Variants in HAT1 observed in about 807,000 individuals in gnomAD.
HAT1 encodes histone acetyltransferase 1.
A neutral mutation model predicts 56.6 loss-of-function variants in HAT1; 20 were observed. The observed-to-expected ratio is 0.35, with a 90% CI of 0.25 to 0.51. The LOEUF is 0.51. Ranked by LOEUF, HAT1 falls within the 20% of genes least tolerant of loss-of-function variation. The pLI, the probability that HAT1 is intolerant of heterozygous loss-of-function variation, is 0.95. For missense variants in HAT1, 408 were observed against 504.3 expected, an observed-to-expected ratio of 0.81 and a Z score of 1.83; for synonymous variants, 146 against 165.5, an observed-to-expected ratio of 0.88 and a Z score of 0.91.
intron 2 of HAT1, among the ~76,000 whole-genome samples, chr2:171,935,886 C>CA (rs1686861616): frequency 1.3e-5 from 2 of 151,328 alleles, no homozygotes; most frequent in African/African-American, 2.4e-5. Context: ...TCTCAAAAAA[C>CA]AAAAAACAAA....
chr2:171,953,148 C>T (rs1015805323), intron 4 of HAT1, 147 bp downstream of exon 4: 17 of 452,106 alleles, frequency 3.8e-5, no homozygotes, highest in Non-Finnish European at 5.8e-5. Context: ...AGTTCGAGAC[C>T]AGCCTGGCCA....
intron 8 of HAT1, among the ~76,000 whole-genome samples, chr2:171,973,692 G>A (rs1262414193): frequency 6.6e-6 from 1 of 152,192 alleles, no homozygotes. Flanking sequence ...AACTGCACAT[G>A]TGAAGGATGT....
Position 171,983,258 on chromosome 2 carries a change from T to C in HAT1, c.1166T>C (p.Ile389Thr), listed in dbSNP as rs767635099. The C allele has an allele frequency of 5.0e-6, 8 of 1,603,416 alleles. No homozygotes were observed. The highest frequency in any genetic ancestry group is 1.3e-5 in the African/African-American group (1 of 74,672). ...GAACTGACAAACCAGATGAACCAAA[T>C]AGAAATAAGCATGCAACATGAACAG... ...PEELTNQMNQ[I>T]EISMQHEQLE... The change falls in exon 11 of 11, where the codon ATA (isoleucine) becomes ACA (threonine). Residue 389 changes from isoleucine to threonine, a missense_variant. By Grantham distance (89) the Ile-to-Thr change is moderately conservative. Coordinates refer to ENST00000264108, the MANE Select transcript of HAT1 (RefSeq NM_003642.4).
intron 8 of HAT1, among the ~76,000 whole-genome samples, chr2:171,971,872 G>A (rs1404504444): frequency 6.6e-6 from 1 of 152,208 alleles, no homozygotes; most frequent in Non-Finnish European, 1.5e-5. Context: ...CAGGCAGGTG[G>A]GAATGGGACA....
At chr2:171,945,438 G>T (rs1293475455) in intron 2 of HAT1, among the ~76,000 whole-genome samples, 1 of 151,660 alleles carries the variant, frequency 6.6e-6, no homozygotes, top group Non-Finnish European at 1.5e-5. Flanking sequence ...CTGCTTGTGG[G>T]TGTATAAACT....
intron 4 of HAT1, among the ~76,000 whole-genome samples, chr2:171,954,117 T>C (rs563711898): frequency 6.6e-6 from 1 of 152,362 alleles, no homozygotes; most frequent in South Asian, 2.1e-4. Context: ...ATGGACCTTC[T>C]TCATAAAAAT....
intron 2 of HAT1, among the ~76,000 whole-genome samples, chr2:171,938,063 T>TCTCTCTCTCTCTCTCC (rs1686921063): frequency 1.2e-4 from 17 of 143,792 alleles, no homozygotes; most frequent in Non-Finnish European, 2.5e-4. Context: ...TCTCTCTCTC[T>TCTCTCTCTCTCTCTCC]CTCTCTCTCT....
At chr2:171,976,649 T>C (rs897531255) in intron 9 of HAT1, among the ~76,000 whole-genome samples, 1 of 152,200 alleles carries the variant, frequency 6.6e-6, no homozygotes, top group African/African-American at 2.4e-5. Context: ...GGAGACATTA[T>C]TGGTGGGAAG....
intron 8 of HAT1, among the ~76,000 whole-genome samples, chr2:171,974,088 A>G (rs1382454314): frequency 6.9e-6 from 1 of 144,046 alleles, no homozygotes; most frequent in Non-Finnish European, 1.5e-5. Flanking sequence ...CTGAGGTGGG[A>G]GGATCACTGG....
At chr2:171,970,997 G>A (rs758197145) in intron 8 of HAT1, among the ~76,000 whole-genome samples, 16 of 151,852 alleles carry the variant, frequency 1.1e-4, no homozygotes, top group Non-Finnish European at 2.2e-4. Flanking sequence ...TCAGAAGATC[G>A]AGACCGTCTT....
chr2:171,927,135 G>C (rs936688903), intron 2 of HAT1, among the ~76,000 whole-genome samples: 13 of 152,236 alleles, frequency 8.5e-5, no homozygotes, highest in African/African-American at 3.1e-4. Context: ...GTGGAGCGCA[G>C]AGTAACTACA....
intron 3 of HAT1, among the ~76,000 whole-genome samples, chr2:171,951,194 C>T (rs1303835289): frequency 6.6e-6 from 1 of 152,196 alleles, no homozygotes; most frequent in Non-Finnish European, 1.5e-5. Context: ...TCAGATTAGG[C>T]ATTTTATGTG....
At chr2:171,972,222 TTTTTG>T (rs1377389431) in intron 8 of HAT1, among the ~76,000 whole-genome samples, 1 of 152,002 alleles carries the variant, frequency 6.6e-6, no homozygotes, top group East Asian at 1.9e-4. Context: ...TTGTTTTTTT[TTTTTG>T]TTTGTTTGTT....
At chr2:171,946,836 ATTCTTT>A in intron 3 of HAT1, 53 bp downstream of exon 3, 1 of 790,866 alleles carries the variant, frequency 1.3e-6, no homozygotes. Flanking sequence ...AAAAATTTTC[ATTCTTT>A]TTCTTTTAGA....
intron 3 of HAT1, among the ~76,000 whole-genome samples, chr2:171,947,958 G>A (rs567519413): frequency 9.9e-5 from 15 of 152,264 alleles, no homozygotes; most frequent in Non-Finnish European, 2.1e-4. Flanking sequence ...TTACATCATT[G>A]AAATAGTTAC....
intron 9 of HAT1, among the ~76,000 whole-genome samples, chr2:171,977,556 T>A (rs1688016278): frequency 5.3e-5 from 1 of 18,904 alleles, no homozygotes; most frequent in African/African-American, 3.4e-4. Context: ...TATATATATA[T>A]ATTTTTTTTT....
intron 2 of HAT1, among the ~76,000 whole-genome samples, chr2:171,944,586 G>A (rs1338200506): frequency 1.3e-5 from 2 of 152,108 alleles, no homozygotes; most frequent in Admixed American, 6.6e-5. Flanking sequence ...TACAGGACTT[G>A]AGTATGATGG....
intron 2 of HAT1, among the ~76,000 whole-genome samples, chr2:171,942,015 C>T (rs2105314976): frequency 6.6e-6 from 1 of 152,244 alleles, no homozygotes; most frequent in South Asian, 2.1e-4. Flanking sequence ...AGCAATTCTC[C>T]TAGTTCAGCC....
chr2:171,977,246 G>A (rs1305318761), intron 9 of HAT1, among the ~76,000 whole-genome samples: 2 of 151,298 alleles, frequency 1.3e-5, no homozygotes, highest in Non-Finnish European at 2.9e-5. Flanking sequence ...GGTGGATCAC[G>A]AGGTCAGGAG....
Sources: gnomAD v4.1 joint callset for allele counts (sites outside exome capture counted in the v4.1 genomes callset) on GRCh38, gnomAD v4.1.1 for gene constraint, MANE v1.5 for transcripts, NCBI Gene and HGNC (gene_info 2026-07-23, HGNC 2026-07-21) for gene names.